DHRSX: variants seen among roughly 807,000 people sequenced by gnomAD.
The protein encoded by DHRSX is dehydrogenase/reductase X-linked.
DHRSX carries 31 observed loss-of-function variants against 34.0 expected under a neutral mutation model. The observed-to-expected ratio is 0.91, with a 90% CI of 0.69 to 1.23. The LOEUF is 1.23. Among genes scored for constraint, DHRSX ranks in the 50% most tolerant of loss-of-function variants. DHRSX has a pLI of 0.00. For synonymous variants in DHRSX, 201 were observed against 183.8 expected (o/e 1.09, Z -0.76); for missense variants, 414 against 428.1 (o/e 0.97, Z 0.29).
chrX:2,455,491 C>T (rs182170506), intron 1 of DHRSX, among the ~76,000 whole-genome samples: 2 of 152,106 alleles, frequency 1.3e-5, no homozygotes, highest in East Asian at 1.9e-4. Context: ...TTCCTAATCC[C>T]AGCACTTTGG....
chrX:2,238,443 T>C (rs73626181), intron 6 of DHRSX, among the ~76,000 whole-genome samples: 2,945 of 152,154 alleles, frequency 0.019, 87 homozygotes, highest in African/African-American at 0.066. Context: ...ATCGAGTCCA[T>C]GTGTTCTGAT....
rs145020131 is a variant in DHRSX, at chrX:2,490,865, C to T, written c.109+9952G>A. The T allele has an allele frequency of 3.7e-5, 43 of 1,171,640 alleles. 1 individual carries two copies. The African/African-American group carries it at 4.0e-4, about 11-fold the overall frequency. 72.6% of individuals were successfully genotyped at this position (1,171,640 alleles called of 1,614,324 possible). A position where few individuals can be genotyped will look rare whatever the true frequency, so the allele number is the denominator to read the frequency against. On this transcript the variant is annotated intron_variant, in intron 1 of 6. Coordinates refer to ENST00000334651, the MANE Select transcript of DHRSX (RefSeq NM_145177.3). Reference sequence around the variant, plus strand: ...GACAGACAGGGTGCCGGGGCAGCTCCGCTTTCAACCAAAGGGCACTGGGGC... The same window carrying T: ...GACAGACAGGGTGCCGGGGCAGCTCTGCTTTCAACCAAAGGGCACTGGGGC...
chrX:2,483,935 T>C (rs1229016369), intron 1 of DHRSX, among the ~76,000 whole-genome samples: 9 of 151,836 alleles, frequency 5.9e-5, no homozygotes, highest in Non-Finnish European at 1.3e-4. Flanking sequence ...AACAGAGCAA[T>C]AATATTTCTT....
intron 1 of DHRSX, among the ~76,000 whole-genome samples, chrX:2,494,924 A>G (rs1215340551): frequency 6.6e-6 from 1 of 151,836 alleles, no homozygotes; most frequent in Non-Finnish European, 1.5e-5. Flanking sequence ...TTTGGCTGAA[A>G]GAGCTCCCAG....
chrX:2,353,421 G>A (rs1170434568), intron 3 of DHRSX, among the ~76,000 whole-genome samples: 1 of 152,060 alleles, frequency 6.6e-6, no homozygotes, highest in Admixed American at 6.6e-5. Context: ...TTCAGAACAT[G>A]CTTATTATCC....
chrX:2,454,412 A>G (rs2044267917), intron 1 of DHRSX, among the ~76,000 whole-genome samples: 1 of 151,938 alleles, frequency 6.6e-6, no homozygotes, highest in Non-Finnish European at 1.5e-5. Flanking sequence ...CTGTAATCCC[A>G]GCTACTCAGG....
chrX:2,221,645 A>C (rs67652053), intron 6 of DHRSX, among the ~76,000 whole-genome samples: 6 of 152,128 alleles, frequency 3.9e-5, no homozygotes, highest in Non-Finnish European at 8.8e-5. Flanking sequence ...CATCAAAAAG[A>C]TTCTTGTTTT....
chrX:2,318,105 G>A (rs761257398), intron 3 of DHRSX, among the ~76,000 whole-genome samples: 2 of 151,596 alleles, frequency 1.3e-5, no homozygotes, highest in South Asian at 4.2e-4. Flanking sequence ...AGAGCTTTGG[G>A]AGGCTGAGGC....
At chrX:2,430,690 C>G (rs2043907767) in intron 1 of DHRSX, among the ~76,000 whole-genome samples, 1 of 152,004 alleles carries the variant, frequency 6.6e-6, no homozygotes, top group Non-Finnish European at 1.5e-5. Flanking sequence ...TCTGGCCCAT[C>G]ATGTTCCTTC....
intron 1 of DHRSX, among the ~76,000 whole-genome samples, chrX:2,498,436 G>A (rs2045332256): frequency 6.6e-6 from 1 of 152,074 alleles, no homozygotes. Context: ...TCCTCCACTG[G>A]TATCGAAAAT....
intron 3 of DHRSX, among the ~76,000 whole-genome samples, chrX:2,309,915 T>C (rs2042143466): frequency 6.6e-6 from 1 of 152,096 alleles, no homozygotes; most frequent in Non-Finnish European, 1.5e-5. Context: ...AGCAAGACCC[T>C]GTCTCAAAAT....
intron 3 of DHRSX, among the ~76,000 whole-genome samples, chrX:2,304,293 GTGGATGGATGGATGGATGAA>G (rs2042072777): frequency 1.1e-5 from 1 of 94,844 alleles, no homozygotes. Flanking sequence ...GGGTGGGTGG[GTGGATGGATGGATGGATGAA>G]TGGATGGATG....
At chrX:2,339,323 T>C (rs1447635886) in intron 3 of DHRSX, among the ~76,000 whole-genome samples, 5 of 151,798 alleles carry the variant, frequency 3.3e-5, no homozygotes, top group East Asian at 1.9e-4. Context: ...ATTTTTAGTA[T>C]AGACAGGGTT....
chrX:2,457,241 G>A (rs2044311688), intron 1 of DHRSX, among the ~76,000 whole-genome samples: 1 of 151,738 alleles, frequency 6.6e-6, no homozygotes, highest in Non-Finnish European at 1.5e-5. Flanking sequence ...TAAGAATGTG[G>A]CCAAGGGACC....
intron 1 of DHRSX, among the ~76,000 whole-genome samples, chrX:2,441,077 A>G (rs2044056687): frequency 6.6e-6 from 1 of 152,166 alleles, no homozygotes; most frequent in Non-Finnish European, 1.5e-5. Context: ...GTTCTGGAAC[A>G]CCACGGCTTC....
chrX:2,328,457 C>T (rs892774077), intron 3 of DHRSX, among the ~76,000 whole-genome samples: 2 of 149,592 alleles, frequency 1.3e-5, no homozygotes, highest in Admixed American at 1.3e-4. Context: ...CTCAGACTTC[C>T]AGCCTCCAGG....
intron 1 of DHRSX, among the ~76,000 whole-genome samples, chrX:2,484,616 G>C (rs1354291472): frequency 1.3e-5 from 2 of 152,152 alleles, no homozygotes; most frequent in Non-Finnish European, 1.5e-5. Flanking sequence ...GGTCCTGTGA[G>C]AGTTTGCATT....
chrX:2,247,751 C>T (rs2016333381), intron 5 of DHRSX, among the ~76,000 whole-genome samples: 1 of 151,682 alleles, frequency 6.6e-6, no homozygotes, highest in Admixed American at 6.6e-5. Context: ...CATGCCTATG[C>T]TGGGGCTCAG....
chrX:2,313,080 G>A (rs765667923), intron 3 of DHRSX, among the ~76,000 whole-genome samples: 1 of 151,252 alleles, frequency 6.6e-6, no homozygotes, highest in Admixed American at 6.6e-5. Context: ...TTGGCTCGCT[G>A]CAACCTCTGC....
Sources: allele counts gnomAD v4.1 joint callset (sites outside exome capture counted in the v4.1 genomes callset), GRCh38; gene constraint gnomAD v4.1.1; transcripts MANE v1.5; gene names NCBI Gene and HGNC (gene_info 2026-07-23, HGNC 2026-07-21).